TCF7L2: variants seen among roughly 807,000 people sequenced by gnomAD.
TCF7L2 encodes transcription factor 7 like 2, also known as transcription factor 7-like 2.
A neutral mutation model predicts 77.9 loss-of-function variants in TCF7L2; 23 were observed. The observed-to-expected ratio is 0.30, with a 90% CI of 0.21 to 0.42. The LOEUF (loss-of-function observed/expected upper bound fraction) is 0.42, where lower values mean the gene tolerates loss of function less well. Among genes scored for constraint, TCF7L2 ranks in the 10% least tolerant of loss-of-function variants. TCF7L2 has a pLI of 1.00. For missense variants in TCF7L2, 654 were observed against 793.1 expected (o/e 0.82, Z 2.11); for synonymous variants, 413 against 340.2 (o/e 1.21, Z -2.36).
At chr10:113,035,010 T>A (rs757044340) in intron 4 of TCF7L2, among the ~76,000 whole-genome samples, 1 of 151,778 alleles carries the variant, frequency 6.6e-6, no homozygotes, top group South Asian at 2.1e-4. Context: ...TCTCTTTCCT[T>A]CCTTTCTTTT....
intron 5 of TCF7L2, among the ~76,000 whole-genome samples, chr10:113,119,874 A>AGGC (rs1288329845): frequency 6.6e-6 from 1 of 152,174 alleles, no homozygotes; most frequent in Admixed American, 6.5e-5. Flanking sequence ...CTCTTTTTGA[A>AGGC]GGCGCCGCAC....
rs1418702124 is a variant in TCF7L2, at chr10:113,095,540, CAGTG to C, written c.553-45641_553-45638del. On this transcript the variant is annotated intron_variant, in intron 5 of 13. Transcript: ENST00000627217. ...GCCTCCCTGGGAATTTTTAATGCCTCAGTGAGGTCATATTCCCAGTGTAGAGGGA... is the reference window on the plus strand; with the variant it reads ...GCCTCCCTGGGAATTTTTAATGCCTCAGGTCATATTCCCAGTGTAGAGGGA... Among the ~76,000 whole-genome samples the C allele has an allele frequency of 3.3e-5, 5 of 152,146 alleles. No individual in the cohort carries two copies. The East Asian group carries it at 7.7e-4, about 23-fold the overall frequency.
intron 4 of TCF7L2, among the ~76,000 whole-genome samples, chr10:113,028,075 A>T (rs891057695): frequency 6.6e-6 from 1 of 152,192 alleles, no homozygotes; most frequent in African/African-American, 2.4e-5. Context: ...GTCTGAAAGG[A>T]AAGTGGGCCG....
intron 5 of TCF7L2, among the ~76,000 whole-genome samples, chr10:113,052,727 C>T (rs542791921): frequency 1.3e-5 from 2 of 152,120 alleles, no homozygotes; most frequent in Non-Finnish European, 2.9e-5. Flanking sequence ...GCTTGAACTG[C>T]GGATTCATTT....
intron 5 of TCF7L2, among the ~76,000 whole-genome samples, chr10:113,069,918 C>T (rs548027773): frequency 6.2e-4 from 94 of 151,958 alleles, no homozygotes; most frequent in Non-Finnish European, 1.1e-3. Flanking sequence ...CATGGCTGGT[C>T]GGTGTCAGGG....
At chr10:113,029,280 A>G (rs1044049536) in intron 4 of TCF7L2, among the ~76,000 whole-genome samples, 2 of 152,058 alleles carry the variant, frequency 1.3e-5, no homozygotes, top group African/African-American at 4.8e-5. Context: ...ATGTTTCTTC[A>G]TCAGCACCAT....
chr10:112,996,287 G>A (rs1365397266), intron 4 of TCF7L2, among the ~76,000 whole-genome samples: 1 of 152,170 alleles, frequency 6.6e-6, no homozygotes, highest in Non-Finnish European at 1.5e-5. Context: ...GTGATATGGG[G>A]CCCTTGTCAA....
intron 5 of TCF7L2, among the ~76,000 whole-genome samples, chr10:113,139,830 A>G (rs76505071): frequency 6.7e-6 from 1 of 149,940 alleles, no homozygotes; most frequent in African/African-American, 2.5e-5. Context: ...AAAAAAAAAA[A>G]GGACAAGAAG....
In TCF7L2 at chr10:112,997,484, C is replaced by T. The variant is rs368597222; in HGVS notation, c.450+32860C>T. 6.6e-5 allele frequency among the ~76,000 whole-genome samples: 10 copies of T among 152,174 alleles called. No homozygotes were observed. In the East Asian group the frequency reaches 1.9e-3, roughly 29 times the overall value. On this transcript the variant is annotated intron_variant, in intron 4 of 13. Coordinates refer to ENST00000627217, the MANE Select transcript of TCF7L2 (RefSeq NM_001146274.2). ...TGAGATAGTGAAACAATGGTAGTGC[C>T]ATCCAATGATAGGCACTTTTCTGTC...
chr10:113,124,612 A>G (rs768509136), intron 5 of TCF7L2, among the ~76,000 whole-genome samples: 12 of 152,182 alleles, frequency 7.9e-5, no homozygotes, highest in Non-Finnish European at 1.3e-4. Flanking sequence ...ATAACTCTGC[A>G]GGACATAGAT....
chr10:112,951,263 T>C lies in TCF7L2; in HGVS notation c.246T>C (p.Ser82=), dbSNP rs1385107616. Residue 82 remains serine (S), a synonymous_variant, in exon 2 of 14, where the codon AGT becomes AGC. Coordinates refer to ENST00000627217, the MANE Select transcript of TCF7L2 (RefSeq NM_001146274.2). Reference sequence around the variant, plus strand: ...GTTTCCGAGACAAATCCCGGGAAAGTTTGGAAGAAGGTGAGTACGCCCCGC... The same window carrying C: ...GTTTCCGAGACAAATCCCGGGAAAGCTTGGAAGAAGGTGAGTACGCCCCGC... The C allele has an allele frequency of 1.3e-6, 2 of 1,556,772 alleles. No homozygotes were observed. The highest frequency in any genetic ancestry group is 3.7e-5 in the Admixed American group (2 of 53,450).
chr10:113,107,751 C>CAA (rs2062551301), intron 5 of TCF7L2, among the ~76,000 whole-genome samples: 1 of 16,196 alleles, frequency 6.2e-5, no homozygotes, highest in African/African-American at 2.2e-4. Context: ...GAGACTCCGT[C>CAA]TAAAAAAAAA....
At chr10:113,152,896 C>CATTT (rs2071062284) in intron 11 of TCF7L2, among the ~76,000 whole-genome samples, 2 of 152,270 alleles carry the variant, frequency 1.3e-5, no homozygotes, top group South Asian at 4.1e-4. Context: ...GGCCCTTTAC[C>CATTT]GTTAAGAAGG....
At position 113,166,035 on chromosome 10, in the gene TCF7L2, C is replaced by T. The variant is rs2137659992; in HGVS notation, c.*63C>T. On this transcript the variant is annotated 3_prime_UTR_variant, in exon 14 of 14. Transcript: ENST00000627217. ...TTGTTTCACTTTTCTTAATTTGCCC[C>T]CCACCCCCACCTTGAAAGGTTTTGT... 2 of 1,399,490 alleles carry T rather than the reference C, an allele frequency of 1.4e-6. No individual in the cohort carries two copies. The highest frequency in any genetic ancestry group is 1.9e-6 in the Non-Finnish European group (2 of 1,066,240). 86.7% of individuals were successfully genotyped at this position (1,399,490 alleles called of 1,614,324 possible). A position where few individuals can be genotyped will look rare whatever the true frequency, so the allele number is the denominator to read the frequency against.
chr10:113,129,498 T>C (rs1027746334), intron 5 of TCF7L2: 12 of 1,011,782 alleles, frequency 1.2e-5, no homozygotes, highest in Non-Finnish European at 1.4e-5. Flanking sequence ...TTTAAAATTT[T>C]TTTTAAAAAA....
At chr10:112,991,834 G>A (rs2042608603) in intron 4 of TCF7L2, among the ~76,000 whole-genome samples, 1 of 152,170 alleles carries the variant, frequency 6.6e-6, no homozygotes, top group Admixed American at 6.5e-5. Context: ...CCCCACACTG[G>A]CGAACCTATG....
intron 5 of TCF7L2, chr10:113,126,913 G>A (rs967724940): frequency 3.0e-6 from 3 of 985,434 alleles, no homozygotes; most frequent in Non-Finnish European, 3.6e-6. Context: ...CGGGCGGGCA[G>A]GGGTGCGCGG....
At chr10:113,083,577 G>A (rs1344100000) in intron 5 of TCF7L2, among the ~76,000 whole-genome samples, 1 of 152,162 alleles carries the variant, frequency 6.6e-6, no homozygotes, top group Non-Finnish European at 1.5e-5. Flanking sequence ...GAGAATTATC[G>A]ATGGTGCATA....
chr10:113,161,740 C>T, intron 13 of TCF7L2: 2 of 910,230 alleles, frequency 2.2e-6, no homozygotes, highest in South Asian at 1.6e-5. Flanking sequence ...CGTGCATGCC[C>T]ACGAGTCTCC....
Sources: allele counts gnomAD v4.1 joint callset (sites outside exome capture counted in the v4.1 genomes callset), GRCh38; gene constraint gnomAD v4.1.1; transcripts MANE v1.5; gene names NCBI Gene and HGNC (gene_info 2026-07-23, HGNC 2026-07-21).